Variants in CENPP observed in about 807,000 individuals in gnomAD.
CENPP encodes the protein centromere protein P.
Under a neutral mutation model 35.6 loss-of-function variants are expected in CENPP, and 24 were observed. The ratio of observed to expected loss-of-function variants is 0.67; its 90% CI spans 0.49 to 0.95. The LOEUF is 0.95. Ranked by LOEUF, CENPP falls within the 40% of genes least tolerant of loss-of-function variation. The pLI is 0.00. For missense variants in CENPP, 332 were observed against 345.3 expected, an observed-to-expected ratio of 0.96 and a Z score of 0.31; for synonymous variants, 120 against 125.5, an observed-to-expected ratio of 0.96 and a Z score of 0.29.
intron 5 of CENPP, among the ~76,000 whole-genome samples, chr9:92,486,829 T>G (rs1177348080): frequency 6.6e-6 from 1 of 151,534 alleles, no homozygotes; most frequent in Non-Finnish European, 1.5e-5. Context: ...TCACCCAGGC[T>G]GGAGGGCAGT....
intron 5 of CENPP, chr9:92,415,081 T>C: frequency 8.7e-7 from 1 of 1,154,804 alleles, no homozygotes; most frequent in Non-Finnish European, 1.2e-6. Flanking sequence ...GAGTAATACA[T>C]GTTTACTTAG....
At chr9:92,405,748 T>C (rs1250450464) in intron 5 of CENPP, among the ~76,000 whole-genome samples, 2 of 152,230 alleles carry the variant, frequency 1.3e-5, no homozygotes, top group Admixed American at 6.5e-5. Flanking sequence ...ATAGTTTCAT[T>C]AATGGTACAC....
chr9:92,544,745 C>T lies in CENPP; in HGVS notation c.565-66569C>T, dbSNP rs570926457. Among the ~76,000 whole-genome samples the T allele has an allele frequency of 4.2e-4, 51 of 121,214 alleles. No homozygotes were observed. The South Asian group carries it at 9.2e-3, about 22-fold the overall frequency. The allele number at this position is 121,214 out of a possible 152,430, so 79.5% of individuals were successfully genotyped here. ...TTTTTTTTTTTTTGAGTTGGAGTTT[C>T]GCTGTTGTTGCTCAGGCTGATGTGC... On this transcript the variant is annotated intron_variant, in intron 5 of 7. Transcript: ENST00000375587.
At chr9:92,495,426 A>G (rs928388025) in intron 5 of CENPP, 59 of 985,204 alleles carry the variant, frequency 6.0e-5, no homozygotes, top group Non-Finnish European at 7.1e-5. Flanking sequence ...ATTAAGGCAA[A>G]GGAGATAGAT....
At chr9:92,522,377 C>T (rs993477889) in intron 5 of CENPP, among the ~76,000 whole-genome samples, 3 of 152,066 alleles carry the variant, frequency 2.0e-5, no homozygotes, top group Non-Finnish European at 2.9e-5. Context: ...TGAGCCACCG[C>T]GCCTGGCCCT....
chr9:92,432,800 A>G (rs112199055), intron 5 of CENPP, among the ~76,000 whole-genome samples: 6,016 of 152,278 alleles, frequency 0.04, 152 homozygotes, highest in Middle Eastern at 0.075. Flanking sequence ...CAGGACTAGG[A>G]AAGGGTGGAA....
chr9:92,484,808 G>T (rs961303506), intron 5 of CENPP, among the ~76,000 whole-genome samples: 9 of 152,138 alleles, frequency 5.9e-5, no homozygotes, highest in Non-Finnish European at 1.2e-4. Flanking sequence ...CCCATATCTA[G>T]AGAGTTGAGA....
At chr9:92,517,367 C>T in intron 5 of CENPP, 1 of 516,182 alleles carries the variant, frequency 1.9e-6, no homozygotes, top group East Asian at 3.4e-5. Context: ...AAAGCAGAGC[C>T]CTTAATGCAA....
At chr9:92,465,132 G>A in intron 5 of CENPP, 1 of 798,594 alleles carries the variant, frequency 1.3e-6, no homozygotes, top group Non-Finnish European at 2.1e-6. Flanking sequence ...CAAGAAGCGT[G>A]AGCTTCATCC....
At chr9:92,407,281 C>A (rs746556526) in intron 5 of CENPP, among the ~76,000 whole-genome samples, 1 of 152,168 alleles carries the variant, frequency 6.6e-6, no homozygotes, top group South Asian at 2.1e-4. Context: ...TCCTACATCA[C>A]GTGGTTGGTC....
At chr9:92,400,814 T>G (rs1843082015) in intron 5 of CENPP, among the ~76,000 whole-genome samples, 1 of 152,256 alleles carries the variant, frequency 6.6e-6, no homozygotes, top group South Asian at 2.1e-4. Flanking sequence ...CGTGTTTAAG[T>G]ATTTCTCGAA....
chr9:92,543,471 CAAAAAAAA>C (rs71362401), intron 5 of CENPP, among the ~76,000 whole-genome samples: 4 of 44,522 alleles, frequency 9.0e-5, no homozygotes, highest in African/African-American at 1.9e-4. Context: ...AACCCTGTCT[CAAAAAAAA>C]AAAAAAAAAA....
At chr9:92,545,074 CA>C (rs1849402742) in intron 5 of CENPP, among the ~76,000 whole-genome samples, 2 of 152,236 alleles carry the variant, frequency 1.3e-5, no homozygotes, top group Admixed American at 1.3e-4. Flanking sequence ...TAAGAGGTGA[CA>C]GCCTGCTGGC....
intron 5 of CENPP, among the ~76,000 whole-genome samples, chr9:92,550,146 C>G (rs1037433757): frequency 6.6e-6 from 1 of 152,156 alleles, no homozygotes; most frequent in Non-Finnish European, 1.5e-5. Flanking sequence ...GCCTACAATC[C>G]TAGCACTTTG....
chr9:92,601,533 G>T (rs886205477), intron 5 of CENPP, among the ~76,000 whole-genome samples: 1 of 152,146 alleles, frequency 6.6e-6, no homozygotes, highest in Non-Finnish European at 1.5e-5. Context: ...CGCCTCCCCC[G>T]TGGGGGTACC....
At chr9:92,475,170 A>G (rs1055307671) in intron 5 of CENPP, among the ~76,000 whole-genome samples, 1 of 152,206 alleles carries the variant, frequency 6.6e-6, no homozygotes, top group African/African-American at 2.4e-5. Context: ...TCTAAAGTGC[A>G]CAAAGATGTT....
intron 4 of CENPP, among the ~76,000 whole-genome samples, chr9:92,363,323 T>C (rs565188503): frequency 1.3e-5 from 2 of 152,314 alleles, no homozygotes; most frequent in Admixed American, 1.3e-4. Flanking sequence ...GCCGCATAAC[T>C]ACTTTTTGAT....
intron 5 of CENPP, among the ~76,000 whole-genome samples, chr9:92,574,045 A>C (rs10992374): frequency 0.47 from 71,139 of 151,946 alleles, 19,224 homozygotes; most frequent in African/African-American, 0.74. Flanking sequence ...CCTTGCACTT[A>C]CCAGGTGAGG....
chr9:92,459,536 G>GC, intron 5 of CENPP: 1 of 1,197,436 alleles, frequency 8.4e-7, no homozygotes, highest in South Asian at 1.5e-5. Context: ...AATCACCCTT[G>GC]CTGCTTACTT....
Sources: gnomAD v4.1 joint callset for allele counts (sites outside exome capture counted in the v4.1 genomes callset) on GRCh38, gnomAD v4.1.1 for gene constraint, MANE v1.5 for transcripts, NCBI Gene and HGNC (gene_info 2026-07-23, HGNC 2026-07-21) for gene names.